Variants in INPP4A observed in about 807,000 individuals in gnomAD.
INPP4A encodes inositol polyphosphate-4-phosphatase type I A, also known as inositol polyphosphate-4-phosphatase, type I, 107kD.
Under a neutral mutation model 119.8 loss-of-function variants are expected in INPP4A, and 33 were observed. That is an observed-to-expected ratio of 0.28 (90% CI 0.21 to 0.37). The LOEUF is 0.37. Ranked by LOEUF, INPP4A falls within the 10% of genes least tolerant of loss-of-function variation. INPP4A has a pLI of 1.00. For synonymous variants in INPP4A, 496 were observed against 500.7 expected (o/e 0.99, Z 0.12); for missense variants, 956 against 1,289.9 (o/e 0.74, Z 3.97).
chr2:98,446,016 A>G (rs1198656719), intron 1 of INPP4A, among the ~76,000 whole-genome samples: 2 of 152,216 alleles, frequency 1.3e-5, no homozygotes, highest in Admixed American at 6.5e-5. Flanking sequence ...TTGCAGAGAA[A>G]TTCTGACTGG....
At chr2:98,559,789 AG>A (rs1199358283) in intron 17 of INPP4A, among the ~76,000 whole-genome samples, 1 of 152,190 alleles carries the variant, frequency 6.6e-6, no homozygotes, top group Non-Finnish European at 1.5e-5. Flanking sequence ...TGAGGTAGGG[AG>A]GTACACATCT....
chr2:98,503,027 TG>T (rs1158134808), intron 1 of INPP4A, among the ~76,000 whole-genome samples: 3 of 152,228 alleles, frequency 2.0e-5, no homozygotes, highest in Non-Finnish European at 2.9e-5. Context: ...GGAGACCTCC[TG>T]GGACAAACGA....
rs778707015 is a variant in INPP4A at position 98,563,415 on chromosome 2, A to T, written c.1856-50A>T. 7 of 1,550,344 alleles carry T rather than the reference A, an allele frequency of 4.5e-6. No individual in the cohort carries two copies. In the South Asian group the frequency reaches 7.0e-5, roughly 16 times the overall value. ...TGACTTGTTAAATTGCCAGAACCTA[A>T]TTCTTAAAATCTCTCTCTCATTGTG... is the stretch of plus-strand genomic sequence containing the variant. On this transcript the variant is annotated intron_variant, in intron 17 of 24. Coordinates refer to ENST00000409851, the MANE Select transcript of INPP4A (RefSeq NM_001134225.2).
chr2:98,526,753 G>A (rs1262953233), intron 4 of INPP4A, among the ~76,000 whole-genome samples: 1 of 152,218 alleles, frequency 6.6e-6, no homozygotes, highest in Non-Finnish European at 1.5e-5. Flanking sequence ...GGCTATACAA[G>A]CATGGCACCA....
At chr2:98,561,236 A>C (rs1695418202) in intron 17 of INPP4A, among the ~76,000 whole-genome samples, 2 of 152,234 alleles carry the variant, frequency 1.3e-5, no homozygotes, top group African/African-American at 4.8e-5. Flanking sequence ...CTAGATAAGG[A>C]GTTTTCTACA....
intron 4 of INPP4A, among the ~76,000 whole-genome samples, chr2:98,532,853 T>C (rs537019712): frequency 6.6e-6 from 1 of 152,144 alleles, no homozygotes; most frequent in South Asian, 2.1e-4. Flanking sequence ...AATGGCTCAC[T>C]TAAGAAAAAA....
At chr2:98,578,142 G>A (rs947682530) in intron 24 of INPP4A, among the ~76,000 whole-genome samples, 2 of 152,102 alleles carry the variant, frequency 1.3e-5, no homozygotes, top group Non-Finnish European at 2.9e-5. Flanking sequence ...CCATCCCTCT[G>A]CCCAGGCTCA....
intron 4 of INPP4A, among the ~76,000 whole-genome samples, chr2:98,531,117 C>G (rs571089782): frequency 6.6e-6 from 1 of 152,284 alleles, no homozygotes; most frequent in African/African-American, 2.4e-5. Context: ...CTGAAAGGCC[C>G]CACCCCTAAT....
At chr2:98,499,270 A>G (rs896869687) in intron 1 of INPP4A, among the ~76,000 whole-genome samples, 1 of 152,246 alleles carries the variant, frequency 6.6e-6, no homozygotes, top group African/African-American at 2.4e-5. Flanking sequence ...GCATGTCAGC[A>G]GTTATCCCAG....
chr2:98,468,504 G>A (rs779879458), intron 1 of INPP4A, among the ~76,000 whole-genome samples: 14 of 152,174 alleles, frequency 9.2e-5, no homozygotes, highest in East Asian at 1.9e-4. Context: ...CTCCCAAAGC[G>A]CTAGGATTTC....
chr2:98,520,918 G>A, intron 4 of INPP4A, 187 bp downstream of exon 4: 1 of 511,270 alleles, frequency 2.0e-6, no homozygotes, highest in South Asian at 2.6e-5. Flanking sequence ...GCACCTTGGA[G>A]CCTCCGTGCC....
chr2:98,469,078 G>A (rs1012113473), intron 1 of INPP4A, among the ~76,000 whole-genome samples: 15 of 152,200 alleles, frequency 9.9e-5, no homozygotes, highest in African/African-American at 3.6e-4. Context: ...ATGGCAGCCT[G>A]CCCTCCACCC....
intron 10 of INPP4A, among the ~76,000 whole-genome samples, chr2:98,542,720 T>C (rs1691697692): frequency 6.6e-6 from 1 of 152,210 alleles, no homozygotes; most frequent in Non-Finnish European, 1.5e-5. Context: ...TCTTCATTGC[T>C]GAGCTAAGGA....
intron 1 of INPP4A, among the ~76,000 whole-genome samples, chr2:98,486,596 T>A (rs1311863037): frequency 6.6e-6 from 1 of 152,266 alleles, no homozygotes; most frequent in East Asian, 1.9e-4. Context: ...GAGGAACACC[T>A]GGTCCAGATC....
At chr2:98,466,941 A>G (rs966370790) in intron 1 of INPP4A, among the ~76,000 whole-genome samples, 1 of 152,180 alleles carries the variant, frequency 6.6e-6, no homozygotes, top group East Asian at 1.9e-4. Context: ...TTGTGCTGCT[A>G]TAAAAGAATA....
chr2:98,575,636 G>A (rs959929467), intron 23 of INPP4A, among the ~76,000 whole-genome samples: 2 of 151,978 alleles, frequency 1.3e-5, no homozygotes, highest in Non-Finnish European at 2.9e-5. Context: ...TTCCCTAGAC[G>A]AGGTTCTTAG....
At chr2:98,581,288 T>G (rs530876545) in intron 24 of INPP4A, among the ~76,000 whole-genome samples, 450 of 152,346 alleles carry the variant, frequency 3.0e-3, no homozygotes, top group Non-Finnish European at 5.2e-3. Flanking sequence ...CCTACATGTG[T>G]TTATTTTCAG....
intron 1 of INPP4A, among the ~76,000 whole-genome samples, chr2:98,458,751 A>G (rs997491754): frequency 6.6e-6 from 1 of 152,146 alleles, no homozygotes; most frequent in Non-Finnish European, 1.5e-5. Context: ...TGGGACCCCT[A>G]AGTATGCAGC....
intron 24 of INPP4A, 92 bp from the exon 25 acceptor site, chr2:98,587,384 T>C: frequency 8.0e-7 from 1 of 1,244,002 alleles, no homozygotes; most frequent in Non-Finnish European, 1.1e-6. Context: ...TTTTTAATGT[T>C]ATGAAAATGA....
Sources: allele counts gnomAD v4.1 joint callset (sites outside exome capture counted in the v4.1 genomes callset), GRCh38; gene constraint gnomAD v4.1.1; transcripts MANE v1.5; gene names NCBI Gene and HGNC (gene_info 2026-07-23, HGNC 2026-07-21).